The following SUPT3H variants were observed in gnomAD, a reference collection of about 807,000 sequenced individuals.
SUPT3H encodes the protein transcription initiation protein SPT3 homolog.
SUPT3H carries 44 observed loss-of-function variants against 44.3 expected under a neutral mutation model. That is an observed-to-expected ratio of 0.99 (90% CI 0.78 to 1.28). SUPT3H has a LOEUF of 1.28. Among genes scored for constraint, SUPT3H ranks in the 50% most tolerant of loss-of-function variants. The pLI, the probability that SUPT3H is intolerant of heterozygous loss-of-function variation, is 0.00. For missense variants in SUPT3H, 380 were observed against 387.1 expected, an observed-to-expected ratio of 0.98 and a Z score of 0.15; for synonymous variants, 124 against 125.6, an observed-to-expected ratio of 0.99 and a Z score of 0.09.
At chr6:44,822,655 CT>C (rs1450879462), downstream of SUPT3H, among the ~76,000 whole-genome samples, 1 of 152,116 alleles carries the variant, frequency 6.6e-6, no homozygotes, top group African/African-American at 2.4e-5. Context: ...CACAAGAAAC[CT>C]GATGCATGCG....
At chr6:45,343,748 T>C (rs2079275132) in intron 2 of SUPT3H, among the ~76,000 whole-genome samples, 1 of 152,198 alleles carries the variant, frequency 6.6e-6, no homozygotes, top group South Asian at 2.1e-4. Flanking sequence ...CCCATGTTCC[T>C]GAGACAGCTA....
At chr6:45,296,877 T>C (rs1211332884) in intron 2 of SUPT3H, among the ~76,000 whole-genome samples, 3 of 145,534 alleles carry the variant, frequency 2.1e-5, no homozygotes, top group Non-Finnish European at 4.5e-5. Context: ...CCCGTGGAGA[T>C]CATGCCACTG....
chr6:44,825,977 A>T (rs190459546), downstream of SUPT3H, among the ~76,000 whole-genome samples: 7 of 152,324 alleles, frequency 4.6e-5, no homozygotes, highest in Admixed American at 4.6e-4. Context: ...AATATGCTTC[A>T]ATTGCCAAAA....
chr6:45,248,553 T>C (rs1771784194), intron 2 of SUPT3H, among the ~76,000 whole-genome samples: 1 of 152,056 alleles, frequency 6.6e-6, no homozygotes, highest in Non-Finnish European at 1.5e-5. Flanking sequence ...TCACACCTAT[T>C]AGAATGGCTA....
chr6:45,102,121 A>T (rs914274044), intron 3 of SUPT3H, among the ~76,000 whole-genome samples: 7 of 152,186 alleles, frequency 4.6e-5, no homozygotes, highest in Admixed American at 1.3e-4. Flanking sequence ...AACAAAACAG[A>T]TTCTGTTTTA....
intron 5 of SUPT3H, among the ~76,000 whole-genome samples, chr6:45,006,965 T>A (rs1782803979): frequency 6.6e-6 from 1 of 152,170 alleles, no homozygotes; most frequent in Non-Finnish European, 1.5e-5. Context: ...GATCTATGGA[T>A]GATTTACTTT....
chr6:44,954,403 G>T, intron 8 of SUPT3H, 92 bp downstream of exon 8: 1 of 930,714 alleles, frequency 1.1e-6, no homozygotes, highest in Non-Finnish European at 1.8e-6. Flanking sequence ...TGTTATTACT[G>T]GTAGAGCAGC....
At chr6:45,328,765 T>C in intron 2 of SUPT3H, 1 of 1,612,182 alleles carries the variant, frequency 6.2e-7, no homozygotes, top group Non-Finnish European at 8.5e-7. Flanking sequence ...TGACACCATG[T>C]CAGCAAAACT....
At chr6:44,918,773 G>C (rs1263613082) in intron 10 of SUPT3H, among the ~76,000 whole-genome samples, 2 of 152,140 alleles carry the variant, frequency 1.3e-5, no homozygotes, top group Admixed American at 6.5e-5. Flanking sequence ...TTTTAAGGCA[G>C]AAGTACACAA....
Position 45,172,314 on chromosome 6 carries a change from G to A in SUPT3H, c.102-66308C>T, listed in dbSNP as rs142367190. On this transcript the variant is annotated intron_variant, in intron 2 of 10. Coordinates refer to ENST00000371459, the MANE Select transcript of SUPT3H (RefSeq NM_003599.4). ...TCTCGATCTCTGGACCTCATGATCC[G>A]CCCCCCTCGGCCTCCCAAAGTGCTG... 2.6e-3 allele frequency among the ~76,000 whole-genome samples: 390 copies of A among 151,632 alleles called. 2 individuals are homozygous for A. The highest frequency in any genetic ancestry group is 8.5e-3 in the African/African-American group (353 of 41,368).
intron 9 of SUPT3H, among the ~76,000 whole-genome samples, chr6:44,944,153 TATATATAC>T (rs1390384005): frequency 2.6e-5 from 4 of 152,084 alleles, no homozygotes; most frequent in African/African-American, 9.7e-5. Context: ...CCTGGACCTA[TATATATAC>T]AAGAGTCTTA....
At chr6:45,145,598 A>G (rs1029848177) in intron 2 of SUPT3H, among the ~76,000 whole-genome samples, 2 of 152,174 alleles carry the variant, frequency 1.3e-5, no homozygotes, top group African/African-American at 2.4e-5. Flanking sequence ...TCTTCTAGAC[A>G]TTGGCTTAGG....
intron 2 of SUPT3H, among the ~76,000 whole-genome samples, chr6:45,304,658 AAAG>A (rs1356359088): frequency 5.3e-5 from 8 of 152,230 alleles, no homozygotes; most frequent in African/African-American, 1.9e-4. Flanking sequence ...TGAGAAAATA[AAAG>A]AAGTAGTATT....
At chr6:44,895,962 C>A (rs1032987885) in intron 10 of SUPT3H, among the ~76,000 whole-genome samples, 1 of 151,894 alleles carries the variant, frequency 6.6e-6, no homozygotes, top group African/African-American at 2.4e-5. Flanking sequence ...GGTAGTGATG[C>A]CCTGTAAGAC....
intron 10 of SUPT3H, among the ~76,000 whole-genome samples, chr6:44,886,222 A>G (rs918698598): frequency 8.9e-4 from 135 of 152,296 alleles, no homozygotes; most frequent in Non-Finnish European, 1.6e-3. Flanking sequence ...AACTTCCCCA[A>G]TCTAGCAAGG....
intron 3 of SUPT3H, among the ~76,000 whole-genome samples, chr6:45,031,603 C>T (rs1786949273): frequency 6.6e-6 from 1 of 152,166 alleles, no homozygotes; most frequent in Non-Finnish European, 1.5e-5. Context: ...TCCTCAGGTT[C>T]TTCAAGTGAG....
At chr6:45,018,131 G>T (rs1412658961) in intron 4 of SUPT3H, among the ~76,000 whole-genome samples, 1 of 151,836 alleles carries the variant, frequency 6.6e-6, no homozygotes, top group African/African-American at 2.4e-5. Flanking sequence ...GTTCACTCAT[G>T]AGTTGGCTCT....
At chr6:45,340,361 T>C (rs1053009859) in intron 2 of SUPT3H, among the ~76,000 whole-genome samples, 1 of 152,142 alleles carries the variant, frequency 6.6e-6, no homozygotes, top group Non-Finnish European at 1.5e-5. Flanking sequence ...TCTCACTCTG[T>C]CACCCAGGCT....
At chr6:45,031,947 T>C (rs1787005046) in intron 3 of SUPT3H, among the ~76,000 whole-genome samples, 1 of 152,174 alleles carries the variant, frequency 6.6e-6, no homozygotes, top group South Asian at 2.1e-4. Flanking sequence ...CAGCAGGTGA[T>C]ATAATTACTT....
Sources: allele counts gnomAD v4.1 joint callset (sites outside exome capture counted in the v4.1 genomes callset), GRCh38; gene constraint gnomAD v4.1.1; transcripts MANE v1.5; gene names NCBI Gene and HGNC (gene_info 2026-07-23, HGNC 2026-07-21).